Variants in EDIL3 observed in about 807,000 individuals in gnomAD.
EDIL3 encodes the protein EGF-like repeat and discoidin I-like domain-containing protein 3.
A neutral mutation model predicts 67.4 loss-of-function variants in EDIL3; 37 were observed. The observed-to-expected ratio is 0.55, with a 90% CI of 0.42 to 0.72. The LOEUF (loss-of-function observed/expected upper bound fraction) is 0.72. Among genes scored for constraint, EDIL3 ranks in the 30% least tolerant of loss-of-function variants. The probability of loss-of-function intolerance (pLI) is 0.00; values close to 1 mark genes in which losing one functional copy is unlikely to be tolerated. For missense variants in EDIL3, 527 were observed against 586.3 expected (o/e 0.90, Z 1.04); for synonymous variants, 195 against 196.3 (o/e 0.99, Z 0.05).
intron 9 of EDIL3, among the ~76,000 whole-genome samples, chr5:84,007,239 C>A (rs1338009247): frequency 6.6e-6 from 1 of 152,092 alleles, no homozygotes; most frequent in Admixed American, 6.6e-5. Context: ...TGATACCCCA[C>A]AAGTACATGT....
At chr5:84,141,906 C>CATATATATATATATATATACATATATAT (rs1178660927) in intron 4 of EDIL3, among the ~76,000 whole-genome samples, 35 of 96,836 alleles carry the variant, frequency 3.6e-4, no homozygotes, top group African/African-American at 1.2e-3. Context: ...ACAAACTACT[C>CATATATATATATATATATACATATATAT]ATATATATAT....
intron 3 of EDIL3, among the ~76,000 whole-genome samples, chr5:84,199,397 C>T (rs1205273902): frequency 6.6e-6 from 1 of 151,952 alleles, no homozygotes; most frequent in East Asian, 1.9e-4. Context: ...TGAGCACCTT[C>T]TGGGAGATGG....
chr5:84,198,861 T>A (rs1248096750), intron 3 of EDIL3, among the ~76,000 whole-genome samples: 1 of 152,108 alleles, frequency 6.6e-6, no homozygotes, highest in African/African-American at 2.4e-5. Flanking sequence ...TTTCTGGTTT[T>A]ATTGGTCACC....
intron 4 of EDIL3, among the ~76,000 whole-genome samples, chr5:84,160,583 G>A (rs1748584962): frequency 1.3e-5 from 2 of 151,992 alleles, no homozygotes; most frequent in African/African-American, 2.4e-5. Flanking sequence ...AACAGCAGCT[G>A]CACGTGAAGC....
At chr5:84,268,132 G>A (rs750791790) in intron 1 of EDIL3, among the ~76,000 whole-genome samples, 5 of 150,034 alleles carry the variant, frequency 3.3e-5, no homozygotes, top group East Asian at 1.9e-4. Flanking sequence ...GTGAGATCTC[G>A]TCTCCAATAA....
chr5:83,996,424 C>CA (rs1745239303), intron 9 of EDIL3, among the ~76,000 whole-genome samples: 2 of 152,144 alleles, frequency 1.3e-5, no homozygotes, highest in South Asian at 4.1e-4. Flanking sequence ...TTGATGGTGC[C>CA]AAAAAATGCA....
chr5:84,044,154 G>C (rs147461914), intron 9 of EDIL3, among the ~76,000 whole-genome samples: 1,539 of 152,088 alleles, frequency 0.01, 35 homozygotes, highest in African/African-American at 0.035. Flanking sequence ...GAGAATATGC[G>C]GTGTTTGGTT....
At chr5:83,994,100 T>C (rs981699977) in intron 9 of EDIL3, among the ~76,000 whole-genome samples, 3 of 152,158 alleles carry the variant, frequency 2.0e-5, no homozygotes, top group African/African-American at 7.2e-5. Flanking sequence ...ACCTTGCAAT[T>C]GTTTATATTT....
chr5:84,374,188 T>A (rs1444650721), intron 1 of EDIL3, among the ~76,000 whole-genome samples: 4 of 151,778 alleles, frequency 2.6e-5, no homozygotes, highest in Admixed American at 6.6e-5. Flanking sequence ...CTCTCCTTTT[T>A]ATCTCTTGAG....
At chr5:83,981,443 A>G (rs186290059) in intron 9 of EDIL3, among the ~76,000 whole-genome samples, 7 of 152,218 alleles carry the variant, frequency 4.6e-5, no homozygotes, top group Non-Finnish European at 8.8e-5. Flanking sequence ...TAATTTAATA[A>G]AACAGTATAT....
intron 5 of EDIL3, among the ~76,000 whole-genome samples, chr5:84,117,177 A>G (rs571031010): frequency 4.2e-4 from 63 of 151,528 alleles, no homozygotes; most frequent in South Asian, 2.5e-3. Flanking sequence ...ACAGGCGCCC[A>G]CCATCACGCC....
At chr5:84,165,420 C>T (rs147316176) in intron 4 of EDIL3, among the ~76,000 whole-genome samples, 262 of 152,188 alleles carry the variant, frequency 1.7e-3, no homozygotes, top group Admixed American at 3.1e-3. Context: ...TTGTGACTAC[C>T]GTTTCTCAAG....
intron 1 of EDIL3, among the ~76,000 whole-genome samples, chr5:84,282,497 T>C (rs1320979672): frequency 6.6e-6 from 1 of 152,200 alleles, no homozygotes; most frequent in Non-Finnish European, 1.5e-5. Context: ...TCTACCATAA[T>C]TTATTTCTTC....
Position 84,338,727 on chromosome 5 carries a change from T to A in EDIL3, c.67+45581A>T, listed in dbSNP as rs372910561. Among the ~76,000 whole-genome samples the A allele has an allele frequency of 3.5e-4, 54 of 152,184 alleles. 1 individual carries two copies. In the East Asian group the frequency reaches 8.5e-3, roughly 24 times the overall value. ...AGGAGGCAGTAAATAACTGAGAACATCATACAATCCACTGAAACCTTTTAC... is the reference window on the plus strand; with the variant it reads ...AGGAGGCAGTAAATAACTGAGAACAACATACAATCCACTGAAACCTTTTAC... On this transcript the variant is annotated intron_variant, in intron 1 of 10. Coordinates refer to ENST00000296591, the MANE Select transcript of EDIL3 (RefSeq NM_005711.5).
At chr5:84,184,840 C>T (rs946385610) in intron 3 of EDIL3, among the ~76,000 whole-genome samples, 5 of 152,070 alleles carry the variant, frequency 3.3e-5, no homozygotes, top group Admixed American at 6.6e-5. Context: ...TTTATTTACA[C>T]GCCAAAAGAC....
intron 5 of EDIL3, among the ~76,000 whole-genome samples, chr5:84,117,784 G>A (rs1485382299): frequency 6.6e-6 from 1 of 151,854 alleles, no homozygotes; most frequent in African/African-American, 2.4e-5. Context: ...TCCTGCAAAT[G>A]TTGGCTAGCT....
rs74870638 is a variant in EDIL3 at position 84,018,405 on chromosome 5, C to T, written c.1137+41895G>A. 5.9e-3 allele frequency among the ~76,000 whole-genome samples: 895 copies of T among 152,226 alleles called. 12 individuals carry two copies. The highest frequency in any genetic ancestry group is 0.021 in the African/African-American group (860 of 41,542). Reference sequence around the variant, plus strand: ...TCCCTGAACAGATTCACTCCTTTCACGACAGGGAAGGTGTTTTGATTCCTC... The same window carrying T: ...TCCCTGAACAGATTCACTCCTTTCATGACAGGGAAGGTGTTTTGATTCCTC... On this transcript the variant is annotated intron_variant, in intron 9 of 10. Transcript: ENST00000296591.
intron 3 of EDIL3, among the ~76,000 whole-genome samples, chr5:84,181,796 A>G (rs1278021522): frequency 6.6e-6 from 1 of 152,148 alleles, no homozygotes; most frequent in Non-Finnish European, 1.5e-5. Context: ...AAAAAACTAC[A>G]GTTTTCTCTA....
intron 1 of EDIL3, among the ~76,000 whole-genome samples, chr5:84,263,530 C>G (rs7707297): frequency 0.34 from 51,582 of 152,014 alleles, 8,952 homozygotes; most frequent in Middle Eastern, 0.42. Context: ...GAAAATCGCA[C>G]GGGGCAGAGT....
Sources: allele counts gnomAD v4.1 joint callset (sites outside exome capture counted in the v4.1 genomes callset), GRCh38; gene constraint gnomAD v4.1.1; transcripts MANE v1.5; gene names NCBI Gene and HGNC (gene_info 2026-07-23, HGNC 2026-07-21).